FAM9B: variants seen among roughly 807,000 people sequenced by gnomAD.
The protein encoded by FAM9B is protein FAM9B.
A neutral mutation model predicts 16.6 loss-of-function variants in FAM9B; 18 were observed. That is an observed-to-expected ratio of 1.09 (90% CI 0.75 to 1.61). The LOEUF is 1.61. Among genes scored for constraint, FAM9B ranks in the 40% most tolerant of loss-of-function variants. The pLI is 0.00. For missense variants in FAM9B, 155 were observed against 136.0 expected (o/e 1.14, Z -0.70); for synonymous variants, 43 against 42.6 (o/e 1.01, Z -0.03).
intron 5 of FAM9B, 152 bp downstream of exon 5, chrX:9,030,109 T>G: frequency 9.3e-7 from 1 of 1,075,799 alleles, no homozygotes; most frequent in Non-Finnish European, 1.2e-6. Context: ...GTTATAAAAC[T>G]AAAGAAACTT....
Position 9,033,947 on chromosome X carries a change from G to C in FAM9B, c.-185C>G, listed in dbSNP as rs189228268. The C allele has an allele frequency of 5.4e-3, 3,973 of 742,464 alleles. 128 individuals carry two copies. The African/African-American group carries it at 0.087, about 16-fold the overall frequency. 61.2% of individuals were successfully genotyped at this position (742,464 alleles called of 1,213,427 possible). On this transcript the variant is annotated 5_prime_UTR_variant, in exon 1 of 9. Transcript: ENST00000327220. ...CGGGTCCTCTCAGGAAGCTGAGGCA[G>C]GAGAATTGCTTGAACCCAGGAGGCG...
intron 6 of FAM9B, among the ~76,000 whole-genome samples, chrX:9,028,928 C>A (rs1228480198): frequency 4.5e-5 from 5 of 111,271 alleles, no homozygotes; most frequent in African/African-American, 6.5e-5. Context: ...TGCCCACTCC[C>A]GTGTGCTCAG....
In FAM9B at chrX:9,032,742, T is replaced by G. The variant is rs796087416; in HGVS notation, c.28+217A>C. 144 of 548,344 alleles carry G rather than the reference T, an allele frequency of 2.6e-4. 1 individual carries two copies. In the South Asian group the frequency reaches 4.6e-3, roughly 18 times the overall value. The allele number at this position is 548,344 out of a possible 1,213,427, so 45.2% of individuals were successfully genotyped here. On this transcript the variant is annotated intron_variant, in intron 2 of 8. Coordinates refer to ENST00000327220, the MANE Select transcript of FAM9B (RefSeq NM_205849.3). ...ATGGAGAAGAGCTGCTCTGAGAGCA[T>G]CTGTAACCCTGCTATGAGGGGGAGC...
Position 9,024,840 on chromosome X carries a change from C to A in FAM9B, c.*569G>T, listed in dbSNP as rs1413073672. On this transcript the variant is annotated 3_prime_UTR_variant, in exon 9 of 9. Coordinates refer to ENST00000327220, the MANE Select transcript of FAM9B (RefSeq NM_205849.3). ...GGAACTACACGTGCGTGCCACCACGCCCGGGTAATTTTGGTATTTTTAGCA... is the reference window on the plus strand; with the variant it reads ...GGAACTACACGTGCGTGCCACCACGACCGGGTAATTTTGGTATTTTTAGCA... 9.0e-6 allele frequency: 1 copy of A among 111,505 alleles called. No homozygotes were observed. Among genetic ancestry groups the A allele is most frequent in the African/African-American group, 3.3e-5 (1 of 30,665 alleles). 9.2% of individuals were successfully genotyped at this position (111,505 alleles called of 1,213,427 possible).
intron 7 of FAM9B, among the ~76,000 whole-genome samples, chrX:9,026,518 G>C (rs1920968243): frequency 1.8e-5 from 2 of 111,082 alleles, no homozygotes; most frequent in African/African-American, 6.5e-5. Context: ...GGAAGGGAAG[G>C]GTTTTAGAAA....
chrX:9,029,831 C>G (rs772734252), intron 5 of FAM9B, among the ~76,000 whole-genome samples: 2 of 112,116 alleles, frequency 1.8e-5, no homozygotes, highest in South Asian at 7.3e-4. Flanking sequence ...CACTTTGGCA[C>G]ACCAATGATT....
At chrX:9,029,946 T>A (rs1478989469) in intron 5 of FAM9B, among the ~76,000 whole-genome samples, 2 of 112,302 alleles carry the variant, frequency 1.8e-5, no homozygotes, top group African/African-American at 6.5e-5. Context: ...ATCTACAGAC[T>A]AAACATTGAG....
chrX:9,033,474 AC>A (rs1202730061), intron 1 of FAM9B: 41 of 487,917 alleles, frequency 8.4e-5, no homozygotes, highest in South Asian at 1.1e-4. Context: ...CGCACAGGGG[AC>A]CCCCGGTGAC....
At chrX:9,025,413 C>T (rs1920959062) in intron 8 of FAM9B, 36 bp from the exon 9 acceptor site, 2 of 766,329 alleles carry the variant, frequency 2.6e-6, no homozygotes, top group South Asian at 3.5e-5. Flanking sequence ...CTGTAATACA[C>T]ATTTCTGCAA....
At chrX:9,026,458 C>T (rs1251238201) in intron 7 of FAM9B, among the ~76,000 whole-genome samples, 6 of 110,279 alleles carry the variant, frequency 5.4e-5, no homozygotes, top group South Asian at 7.9e-4. Flanking sequence ...AGAACTGAGA[C>T]GGGGCATCAC....
At chrX:9,033,474 A>G in intron 1 of FAM9B, 1 of 489,473 alleles carries the variant, frequency 2.0e-6, no homozygotes, top group Non-Finnish European at 2.5e-6. Context: ...CGCACAGGGG[A>G]CCCCCGGTGA....
chrX:9,025,905 AT>A (rs369622727), intron 7 of FAM9B, among the ~76,000 whole-genome samples: 2,519 of 111,139 alleles, frequency 0.023, 77 homozygotes, highest in African/African-American at 0.077. Flanking sequence ...GAAATATTAT[AT>A]TTTTTTTCAG....
In FAM9B at chrX:9,027,937, C is replaced by T. The variant is rs1920982961; in HGVS notation, c.423G>A (p.Trp141Ter). 1.7e-6 allele frequency: 2 copies of T among 1,208,860 alleles called. No homozygotes were observed. The highest frequency in any genetic ancestry group is 2.2e-6 in the Non-Finnish European group (2 of 893,475). ...IRIFQEQQKK[W>*]QQYRSVRRER... is the part of the protein sequence containing the mutation. The stretch of plus-strand genomic sequence containing the variant: ...CTCTCCTAACACTTCTATATTGTTG[C>T]CACTTCTTCTGTTGTTCTTGAAATA... The change falls in exon 7 of 9, where the codon TGG becomes TGA. Residue 141 changes from tryptophan (W) to a stop codon, truncating the protein, a stop_gained. Transcript: ENST00000327220. LOFTEE classifies it high-confidence loss of function.
At position 9,030,242 on chromosome X, in the gene FAM9B, A is replaced by G; in HGVS notation, c.281+19T>C. 1 of 1,180,727 alleles carries G rather than the reference A, an allele frequency of 8.5e-7. No homozygotes were observed. ...GAAATGATATAAATATCATTATGCA[A>G]AAAAGCCAACAGTCATACCTTTTAA... On this transcript the variant is annotated intron_variant, in intron 5 of 8. Transcript: ENST00000327220.
In FAM9B at chrX:9,024,759, G is replaced by C. The variant is rs1920955647; in HGVS notation, c.*650C>G. ...TGCAGTGGCACAATCTTGGCTTACT[G>C]CAACCTCCAACTCCCGGGTTCAAGA... On this transcript the variant is annotated 3_prime_UTR_variant, in exon 9 of 9. Coordinates refer to ENST00000327220, the MANE Select transcript of FAM9B (RefSeq NM_205849.3). 8.9e-6 allele frequency: 1 copy of C among 112,194 alleles called. No individual in the cohort carries two copies. The highest frequency in any genetic ancestry group is 1.9e-5 in the Non-Finnish European group (1 of 53,319). The allele number at this position is 112,194 out of a possible 1,213,427, so 9.2% of individuals were successfully genotyped here. A position where few individuals can be genotyped will look rare whatever the true frequency, so the allele number is the denominator to read the frequency against.
Position 9,024,459 on chromosome X carries a change from C to T in FAM9B, c.*950G>A, listed in dbSNP as rs1920954356. 1 of 111,867 alleles carries T rather than the reference C, an allele frequency of 8.9e-6. No individual in the cohort carries two copies. The highest frequency in any genetic ancestry group is 3.2e-5 in the African/African-American group (1 of 30,827). 9.2% of individuals were successfully genotyped at this position (111,867 alleles called of 1,213,427 possible). On this transcript the variant is annotated 3_prime_UTR_variant, in exon 9 of 9. Transcript: ENST00000327220. ...TTGATGTCTGTGGAAATGACATACC[C>T]ACAAACCAGTGGCTCAGCACTGATA...
rs1920953471 is a variant in FAM9B, at chrX:9,024,243, T to C, written c.*1166A>G. 1 of 110,898 alleles carries C rather than the reference T, an allele frequency of 9.0e-6. No individual in the cohort carries two copies. The highest frequency in any genetic ancestry group is 1.9e-5 in the Non-Finnish European group (1 of 52,907). The allele number at this position is 110,898 out of a possible 1,213,427, so 9.1% of individuals were successfully genotyped here. On this transcript the variant is annotated 3_prime_UTR_variant, in exon 9 of 9. Coordinates refer to ENST00000327220, the MANE Select transcript of FAM9B (RefSeq NM_205849.3). ...AAGGCAGGCGAATTCATCATTCAAG[T>C]TTTTAGATGTCCATATAAACTTCCA...
At chrX:9,026,693 T>A (rs1356376545) in intron 7 of FAM9B, among the ~76,000 whole-genome samples, 1 of 110,911 alleles carries the variant, frequency 9.0e-6, no homozygotes, top group Admixed American at 9.7e-5. Flanking sequence ...ACTTGCCTCG[T>A]GATAACTACA....
In FAM9B at chrX:9,032,471, A is replaced by C. The variant is rs1445621940; in HGVS notation, c.29-10T>G. ...CGGACTGGATCCTTTCCTGCATTAA[A>C]ATGTAAAAGACAAACCTTTTTTAGA... On this transcript the variant is annotated splice_polypyrimidine_tract_variant and intron_variant, in intron 2 of 8. Coordinates refer to ENST00000327220, the MANE Select transcript of FAM9B (RefSeq NM_205849.3). 8.4e-7 allele frequency: 1 copy of C among 1,188,073 alleles called. No individual in the cohort carries two copies. Among genetic ancestry groups the C allele is most frequent in the South Asian group, 1.8e-5 (1 of 55,335 alleles).
Sources: allele counts gnomAD v4.1 joint callset (sites outside exome capture counted in the v4.1 genomes callset), GRCh38; gene constraint gnomAD v4.1.1; transcripts MANE v1.5; gene names NCBI Gene and HGNC (gene_info 2026-07-23, HGNC 2026-07-21).